The following ACTR3B variants were observed in gnomAD, a reference collection of about 807,000 sequenced individuals.
ACTR3B encodes the protein actin related protein 3B, also known as actin-related protein 3B.
In ACTR3B, 8 loss-of-function variants were observed where a neutral mutation model predicts 59.0. The ratio of observed to expected loss-of-function variants is 0.14; its 90% CI spans 0.08 to 0.24. The LOEUF is 0.24. Among genes scored for constraint, ACTR3B ranks in the 10% least tolerant of loss-of-function variants. The pLI is 1.00. For missense variants in ACTR3B, 245 were observed against 552.3 expected, an observed-to-expected ratio of 0.44 and a Z score of 5.58; for synonymous variants, 148 against 197.9, an observed-to-expected ratio of 0.75 and a Z score of 2.12.
intron 9 of ACTR3B, among the ~76,000 whole-genome samples, chr7:152,834,215 G>A (rs1374316937): frequency 2.0e-5 from 3 of 150,932 alleles, no homozygotes; most frequent in Non-Finnish European, 4.4e-5. Context: ...GTGCAGTGGT[G>A]TAATCTCCAG....
intron 9 of ACTR3B, among the ~76,000 whole-genome samples, chr7:152,841,486 G>A (rs544633273): frequency 3.3e-3 from 498 of 151,640 alleles, no homozygotes; most frequent in African/African-American, 0.012. Flanking sequence ...TTCTTAAATA[G>A]TAAAGGGTTT....
intron 2 of ACTR3B, among the ~76,000 whole-genome samples, chr7:152,794,691 T>C (rs1316503032): frequency 1.3e-5 from 2 of 152,160 alleles, no homozygotes; most frequent in Non-Finnish European, 2.9e-5. Flanking sequence ...AGTGTGCCAT[T>C]GAATGGTGTG....
chr7:152,769,040 A>G lies in ACTR3B; in HGVS notation c.44+9114A>G, dbSNP rs547124788. Among the ~76,000 whole-genome samples the G allele has an allele frequency of 1.1e-4, 16 of 151,248 alleles. No individual in the cohort carries two copies. The East Asian group carries it at 2.9e-3, about 28-fold the overall frequency. ...GCTAATTTTTGTGTTTTTAGTAGAG[A>G]CGGGGTTTCTCCATGTTGGCTAGGC... is the stretch of plus-strand genomic sequence containing the variant. On this transcript the variant is annotated intron_variant, in intron 1 of 11. Transcript: ENST00000256001.
chr7:152,789,126 A>G (rs1261153667), intron 2 of ACTR3B, among the ~76,000 whole-genome samples: 1 of 151,986 alleles, frequency 6.6e-6, no homozygotes, highest in Non-Finnish European at 1.5e-5. Context: ...ACAGTGGCTC[A>G]CACCTGTAAT....
intron 7 of ACTR3B, among the ~76,000 whole-genome samples, chr7:152,821,443 T>C (rs1354365323): frequency 4.6e-5 from 7 of 151,050 alleles, no homozygotes; most frequent in Admixed American, 2.6e-4. Flanking sequence ...CCAGGTGATA[T>C]AGCGAGATCT....
At chr7:152,821,186 G>T (rs538827282) in intron 7 of ACTR3B, among the ~76,000 whole-genome samples, 16 of 152,206 alleles carry the variant, frequency 1.1e-4, no homozygotes, top group South Asian at 4.2e-4. Context: ...TCAGGGGAAG[G>T]TTTCCTGAGG....
intron 1 of ACTR3B, among the ~76,000 whole-genome samples, chr7:152,771,397 A>G (rs2098123575): frequency 6.6e-6 from 1 of 152,244 alleles, no homozygotes. Context: ...CCATAAGGAA[A>G]GAAATAGAAA....
chr7:152,789,251 G>A (rs958749658), intron 2 of ACTR3B, among the ~76,000 whole-genome samples: 6 of 149,062 alleles, frequency 4.0e-5, no homozygotes, highest in Non-Finnish European at 7.4e-5. Context: ...AATTAGCTAC[G>A]TGTAGTGACG....
chr7:152,802,605 C>G (rs904942424), intron 4 of ACTR3B, among the ~76,000 whole-genome samples: 13 of 148,162 alleles, frequency 8.8e-5, no homozygotes, highest in African/African-American at 2.8e-4. Context: ...TGTTTTCTTC[C>G]GTGAGATGCT....
At chr7:152,845,150 T>G (rs1798169283) in intron 9 of ACTR3B, among the ~76,000 whole-genome samples, 1 of 151,324 alleles carries the variant, frequency 6.6e-6, no homozygotes, top group Non-Finnish European at 1.5e-5. Context: ...TTGTCTTTGC[T>G]TTGAAGTTTT....
rs139700590 is a variant in ACTR3B, at chr7:152,806,386, A to G, written c.336+4655A>G. ...TAAATGTTCCCTTAAATGGAAATAC[A>G]TAGATTTTAATTCTTCAAAGACGGT... On this transcript the variant is annotated intron_variant, in intron 4 of 11. Transcript: ENST00000256001. 6.0e-4 allele frequency among the ~76,000 whole-genome samples: 92 copies of G among 152,366 alleles called. 1 individual carries two copies. The highest frequency in any genetic ancestry group is 2.2e-3 in the African/African-American group (91 of 41,590).
At chr7:152,785,474 GGA>G (rs1243556489) in intron 2 of ACTR3B, among the ~76,000 whole-genome samples, 1 of 7,614 alleles carries the variant, frequency 1.3e-4, no homozygotes. Context: ...GGAGGGGGAG[GGA>G]GAGAGAGAGA....
intron 9 of ACTR3B, among the ~76,000 whole-genome samples, chr7:152,836,585 T>TAA (rs1189568356): frequency 6.7e-6 from 1 of 148,740 alleles, no homozygotes; most frequent in African/African-American, 2.5e-5. Context: ...ACACCCTATT[T>TAA]CAAAAAAAAA....
Position 152,825,043 on chromosome 7 carries a change from A to G in ACTR3B, c.872A>G (p.Asp291Gly), listed in dbSNP as rs771019604. ...IFFHPEFANP[D>G]FMESISDVVD... ...TACACAATTCAGTTTGCCAACCCAG[A>G]CTTTATGGAGTCCATCTCAGATGTT... Residue 291 changes from aspartate to glycine, a missense_variant, in exon 9 of 12, where the codon GAC becomes GGC. Physicochemically the swap from Asp to Gly is moderately conservative, Grantham distance 94. Around this residue, in one of 7 missense-constraint regions of ACTR3B, gnomAD observed 153 missense variants for 266.2 expected, o/e 0.57. Transcript: ENST00000256001. The G allele has an allele frequency of 1.2e-6, 2 of 1,613,140 alleles. No homozygotes were observed. The highest frequency in any genetic ancestry group is 2.2e-5 in the South Asian group (2 of 90,832).
At chr7:152,770,805 C>G (rs2098122174) in intron 1 of ACTR3B, among the ~76,000 whole-genome samples, 1 of 134,426 alleles carries the variant, frequency 7.4e-6, no homozygotes. Flanking sequence ...GTTGAGCAAG[C>G]AGGTCCAGGG....
rs186321803 is a variant in ACTR3B at position 152,842,176 on chromosome 7, C to G, written c.952-9950C>G. On this transcript the variant is annotated intron_variant, in intron 9 of 11. Coordinates refer to ENST00000256001, the MANE Select transcript of ACTR3B (RefSeq NM_020445.6). Reference sequence around the variant, plus strand: ...GGATGGTTGAAACTGTAGATGGTACCACACCCTCTGTATACGATCTTTTTT... The same window carrying G: ...GGATGGTTGAAACTGTAGATGGTACGACACCCTCTGTATACGATCTTTTTT... Among the ~76,000 whole-genome samples, 64 of 152,276 alleles carry G rather than the reference C, an allele frequency of 4.2e-4. 1 individual carries two copies. Among genetic ancestry groups the G allele is most frequent in the Non-Finnish European group, 8.4e-4 (57 of 68,024 alleles).
chr7:152,853,592 C>G lies in ACTR3B; in HGVS notation c.1161+15C>G. 1 of 1,608,254 alleles carries G rather than the reference C, an allele frequency of 6.2e-7. No individual in the cohort carries two copies. The highest frequency in any genetic ancestry group is 8.5e-7 in the Non-Finnish European group (1 of 1,176,492). On this transcript the variant is annotated intron_variant, in intron 11 of 11. Coordinates refer to ENST00000256001, the MANE Select transcript of ACTR3B (RefSeq NM_020445.6). Reference sequence around the variant, plus strand: ...TGGCCTCGACTGTAAGTCCCTCTCTCGAGGGCTCTGTGTCTCCATTCCTGT... The same window carrying G: ...TGGCCTCGACTGTAAGTCCCTCTCTGGAGGGCTCTGTGTCTCCATTCCTGT...
chr7:152,854,677 T>A lies in ACTR3B; in HGVS notation c.*124T>A, dbSNP rs1799119571. 2 of 1,005,248 alleles carry A rather than the reference T, an allele frequency of 2.0e-6. No homozygotes were observed. Among genetic ancestry groups the A allele is most frequent in the Non-Finnish European group, 3.0e-6 (2 of 665,744 alleles). 62.3% of individuals were successfully genotyped at this position (1,005,248 alleles called of 1,614,324 possible). On this transcript the variant is annotated 3_prime_UTR_variant, in exon 12 of 12. Transcript: ENST00000256001. The surrounding 1 kb of genome is among the most constrained non-coding windows in gnomAD (Gnocchi z 4.9). ...TTGCTGCCCAGCAGCGTGCTTGCAT[T>A]GCCGGTGCATGAGGCGCGGCGCGGG...
chr7:152,789,064 A>AAC (rs374527960), intron 2 of ACTR3B, among the ~76,000 whole-genome samples: 6,202 of 135,538 alleles, frequency 0.046, 125 homozygotes, highest in African/African-American at 0.098. Context: ...CAGCAACAAC[A>AAC]AACAACAACA....
Sources: gnomAD v4.1 joint callset for allele counts (sites outside exome capture counted in the v4.1 genomes callset) on GRCh38, gnomAD v4.1.1 for gene constraint, gnomAD v4.1.1 regional missense constraint, Gnocchi (gnomAD v3.1) non-coding constraint, MANE v1.5 for transcripts, NCBI Gene and HGNC (gene_info 2026-07-23, HGNC 2026-07-21) for gene names.